The following POC5 variants were observed in gnomAD, a reference collection of about 807,000 sequenced individuals.
The protein encoded by POC5 is POC5 centriolar protein, also known as centrosomal protein POC5.
A neutral mutation model predicts 62.9 loss-of-function variants in POC5; 48 were observed. The ratio of observed to expected loss-of-function variants is 0.76; its 90% CI spans 0.61 to 0.97. The LOEUF is 0.97. Ranked by LOEUF, POC5 falls within the 50% of genes least tolerant of loss-of-function variation. The pLI is 0.00. For missense variants in POC5, 696 were observed against 679.5 expected (o/e 1.02, Z -0.27); for synonymous variants, 236 against 228.2 (o/e 1.03, Z -0.31).
At position 75,692,442 on chromosome 5, in the gene POC5, C is replaced by G. The variant is rs746424835; in HGVS notation, c.749G>C (p.Arg250Thr). 6.3e-7 allele frequency: 1 copy of G among 1,597,658 alleles called. No homozygotes were observed. Among genetic ancestry groups the G allele is most frequent in the Non-Finnish European group, 8.5e-7 (1 of 1,171,612 alleles). ...GKQKEKIELM[R>T]TFFHWRIGHV... ...GCCGATTCGCCAGTGGAAGAATGTT[C>G]TCATCAACTCTATCTTTTCCTTTTG... Residue 250 changes from arginine (R) to threonine (T), a missense_variant, in exon 7 of 12, where the codon AGA becomes ACA. Transcript: ENST00000428202.
Position 75,675,086 on chromosome 5 carries a change from T to G in POC5, c.1585-508A>C, listed in dbSNP as rs201975680. Among the ~76,000 whole-genome samples, 7 of 152,338 alleles carry G rather than the reference T, an allele frequency of 4.6e-5. No individual in the cohort carries two copies. In the East Asian group the frequency reaches 1.3e-3, roughly 29 times the overall value. On this transcript the variant is annotated intron_variant, in intron 11 of 11. Coordinates refer to ENST00000428202, the MANE Select transcript of POC5 (RefSeq NM_001099271.2). ...ACCAGAGCCCTCATATTTAACCTGGTTCACCTGGGAGCAGACTAAAACTTT... is the reference window on the plus strand; with the variant it reads ...ACCAGAGCCCTCATATTTAACCTGGGTCACCTGGGAGCAGACTAAAACTTT...
intron 4 of POC5, among the ~76,000 whole-genome samples, chr5:75,703,123 C>T (rs1776960381): frequency 6.6e-6 from 1 of 152,128 alleles, no homozygotes; most frequent in Non-Finnish European, 1.5e-5. Context: ...TATCATATCA[C>T]CATTAATGAA....
chr5:75,697,160 A>G (rs1348252109), intron 5 of POC5, among the ~76,000 whole-genome samples: 2 of 152,214 alleles, frequency 1.3e-5, no homozygotes, highest in Non-Finnish European at 2.9e-5. Context: ...GAACTTCCCT[A>G]ATCTAGCAAG....
At chr5:75,693,195 A>C (rs1776418315) in intron 6 of POC5, among the ~76,000 whole-genome samples, 1 of 149,696 alleles carries the variant, frequency 6.7e-6, no homozygotes. Flanking sequence ...TAATGTTATT[A>C]ATGTTATATG....
intron 1 of POC5, among the ~76,000 whole-genome samples, chr5:75,714,568 TC>T (rs1777475057): frequency 6.6e-6 from 1 of 152,028 alleles, no homozygotes. Flanking sequence ...CAATAATAGA[TC>T]AAGGGGTTAA....
At chr5:75,702,903 C>A in intron 4 of POC5, 93 bp from the exon 5 acceptor site, 1 of 939,656 alleles carries the variant, frequency 1.1e-6, no homozygotes, top group South Asian at 1.7e-5. Context: ...ACGTCTGCTA[C>A]TTATGGAGGC....
intron 10 of POC5, among the ~76,000 whole-genome samples, chr5:75,680,507 G>C (rs939916032): frequency 2.0e-5 from 3 of 152,074 alleles, no homozygotes; most frequent in Admixed American, 2.0e-4. Flanking sequence ...GAATTAAATA[G>C]AAGTTGTCTT....
At chr5:75,699,190 A>G (rs1189300372) in intron 5 of POC5, among the ~76,000 whole-genome samples, 1 of 152,184 alleles carries the variant, frequency 6.6e-6, no homozygotes, top group Non-Finnish European at 1.5e-5. Context: ...TCAATAGAAA[A>G]AGAGGGAATC....
Position 75,692,382 on chromosome 5 carries a change from G to C in POC5, c.795+14C>G, listed in dbSNP as rs370101824. On this transcript the variant is annotated intron_variant, in intron 7 of 11. Transcript: ENST00000428202. ...GTCTAACATCCATCAGCTGTCTTCT[G>C]CTTTGACACTTACATCCTGTCTGGC... 3 of 1,554,562 alleles carry C rather than the reference G, an allele frequency of 1.9e-6. No individual in the cohort carries two copies. The African/African-American group carries it at 4.1e-5, about 21-fold the overall frequency.
At chr5:75,694,336 A>G (rs1776468060) in intron 6 of POC5, among the ~76,000 whole-genome samples, 1 of 152,076 alleles carries the variant, frequency 6.6e-6, no homozygotes, top group African/African-American at 2.4e-5. Flanking sequence ...TTTAGCACAT[A>G]CTCTTTTTAA....
intron 4 of POC5, among the ~76,000 whole-genome samples, chr5:75,704,976 G>T (rs980025109): frequency 1.3e-5 from 2 of 152,192 alleles, no homozygotes; most frequent in Non-Finnish European, 2.9e-5. Flanking sequence ...AGGGCAAGTG[G>T]ATCACTTGAT....
At chr5:75,709,979 G>C (rs1777276804) in intron 2 of POC5, among the ~76,000 whole-genome samples, 1 of 152,192 alleles carries the variant, frequency 6.6e-6, no homozygotes, top group East Asian at 1.9e-4. Flanking sequence ...TGGTCTATGG[G>C]ATTCAACTGG....
chr5:75,702,519 C>A, intron 5 of POC5, 86 bp downstream of exon 5: 1 of 1,310,626 alleles, frequency 7.6e-7, no homozygotes, highest in Non-Finnish European at 1.0e-6. Context: ...GAAAGTTTAA[C>A]TCAAAAAAAC....
At chr5:75,696,146 G>C (rs192064977) in intron 5 of POC5, 1 of 160,814 alleles carries the variant, frequency 6.2e-6, no homozygotes, top group Non-Finnish European at 1.3e-5. Flanking sequence ...AGGGGCACCC[G>C]CCATTGCCCA....
intron 7 of POC5, 84 bp from the exon 8 acceptor site, chr5:75,690,646 AGTGTACATATACACATTAT>A: frequency 9.2e-7 from 1 of 1,084,926 alleles, no homozygotes; most frequent in East Asian, 2.6e-5. Context: ...CATGGTGGTA[AGTGTACATATACACATTAT>A]TTAATTCTAT....
intron 5 of POC5, among the ~76,000 whole-genome samples, chr5:75,700,497 G>A (rs1776822932): frequency 6.6e-6 from 1 of 151,418 alleles, no homozygotes; most frequent in Non-Finnish European, 1.5e-5. Flanking sequence ...AAATGGTGCT[G>A]GGAAAACTGG....
In POC5 at chr5:75,674,175, CAT is replaced by C. The variant is rs1294919000; in HGVS notation, c.*258_*259del. 5 of 254,612 alleles carry C rather than the reference CAT, an allele frequency of 2.0e-5. No homozygotes were observed. Among genetic ancestry groups the C allele is most frequent in the Admixed American group, 1.9e-4 (4 of 20,764 alleles). The allele number at this position is 254,612 out of a possible 1,614,324, so 15.8% of individuals were successfully genotyped here. A position where few individuals can be genotyped will look rare whatever the true frequency, so the allele number is the denominator to read the frequency against. On this transcript the variant is annotated 3_prime_UTR_variant, in exon 12 of 12. Transcript: ENST00000428202. ...ATGCTGTAATCAGCAACAGGCTAAACATATTAAAGAAATAAAGTCCAGTTTCT... is the reference window on the plus strand; with the variant it reads ...ATGCTGTAATCAGCAACAGGCTAAACATTAAAGAAATAAAGTCCAGTTTCT...
Position 75,685,384 on chromosome 5 carries a change from T to C in POC5, c.1230A>G (p.Leu410=), listed in dbSNP as rs1776061314. The change falls in exon 10 of 12, where the codon TTA becomes TTG. Residue 410 remains leucine, a synonymous_variant. Transcript: ENST00000428202. The part of the protein sequence containing the change: ...HLDPSAPPMP[L]PVTSPLLPSP... ...ATGGCAGCAGTGGTGATGTAACTGG[T>C]AAGGGCATCGGAGGAGCTGAAGGAT... 1 of 1,613,900 alleles carries C rather than the reference T, an allele frequency of 6.2e-7. No homozygotes were observed. The highest frequency in any genetic ancestry group is 1.3e-5 in the African/African-American group (1 of 74,938).
chr5:75,693,330 T>C (rs894626583), intron 6 of POC5, among the ~76,000 whole-genome samples: 7 of 151,974 alleles, frequency 4.6e-5, no homozygotes, highest in Middle Eastern at 3.4e-3. Context: ...TTTCTAAAAA[T>C]AGTCACATTA....
Sources: allele counts gnomAD v4.1 joint callset (sites outside exome capture counted in the v4.1 genomes callset), GRCh38; gene constraint gnomAD v4.1.1; transcripts MANE v1.5; gene names NCBI Gene and HGNC (gene_info 2026-07-23, HGNC 2026-07-21).